Variants in NRF1 observed in about 807,000 individuals in gnomAD.
NRF1 encodes the protein nuclear respiratory factor 1, also known as alpha palindromic-binding protein.
A neutral mutation model predicts 58.5 loss-of-function variants in NRF1; 5 were observed. The observed-to-expected ratio is 0.09, with a 90% CI of 0.04 to 0.18. The LOEUF is 0.18. NRF1 is among the 10% of genes least tolerant of loss of function. The pLI, the probability that NRF1 is intolerant of heterozygous loss-of-function variation, is 1.00. For missense variants in NRF1, 288 were observed against 657.7 expected, an observed-to-expected ratio of 0.44 and a Z score of 6.15; for synonymous variants, 224 against 246.7, an observed-to-expected ratio of 0.91 and a Z score of 0.86.
chr7:129,614,591 A>T lies in NRF1; in HGVS notation c.-7+2767A>T, dbSNP rs566412004. 2.6e-5 allele frequency among the ~76,000 whole-genome samples: 4 copies of T among 152,058 alleles called. 1 individual carries two copies. In the South Asian group the frequency reaches 8.3e-4, roughly 32 times the overall value. ...CTCAGCCTCCCCAGTAGCTGAGACT[A>T]TAGGCAAGTGCCACCGTGCTGGCAG... On this transcript the variant is annotated intron_variant, in intron 1 of 10. Transcript: ENST00000393232.
intron 2 of NRF1, among the ~76,000 whole-genome samples, chr7:129,667,312 A>T (rs938906073): frequency 1.3e-5 from 2 of 152,140 alleles, no homozygotes; most frequent in Non-Finnish European, 2.9e-5. Context: ...TGTTGGTTTA[A>T]TTTGTGTTTT....
In NRF1 at chr7:129,755,020, C is replaced by G; in HGVS notation, c.1351C>G (p.Leu451Val). 6.2e-7 allele frequency: 1 copy of G among 1,606,080 alleles called. No individual in the cohort carries two copies. Among genetic ancestry groups the G allele is most frequent in the Non-Finnish European group, 8.5e-7 (1 of 1,176,840 alleles). The change falls in exon 11 of 11, where the codon CTG becomes GTG. Residue 451 changes from leucine (L) to valine (V), a missense_variant and splice_region_variant. Around this residue, in one of 3 missense-constraint regions of NRF1, gnomAD observed 212 missense variants for 559.7 expected, o/e 0.38. Transcript: ENST00000393232. This position sits in a 1 kb window ranked among gnomAD's most constrained non-coding sequence, Gnocchi z 5.8. Reference sequence around the variant, plus strand: ...CGGTCTTCTCTTTGTCTCTCCAGGCCTGGTCCAGATCCCTGTGAGCATGTA... The same window carrying G: ...CGGTCTTCTCTTTGTCTCTCCAGGCGTGGTCCAGATCCCTGTGAGCATGTA... Reference protein sequence around the residue: ...ALTGVQDANGLVQIPVSMYQT... With the variant: ...ALTGVQDANGVVQIPVSMYQT...
chr7:129,748,260 G>A (rs1804027224), intron 10 of NRF1, among the ~76,000 whole-genome samples: 1 of 88,542 alleles, frequency 1.1e-5, no homozygotes, highest in Non-Finnish European at 2.1e-5. Flanking sequence ...GAGCAACAAA[G>A]CAAGACTCCG....
chr7:129,687,804 A>G (rs1802475961), intron 4 of NRF1, among the ~76,000 whole-genome samples: 1 of 152,242 alleles, frequency 6.6e-6, no homozygotes, highest in African/African-American at 2.4e-5. Context: ...TGAAAGAAAA[A>G]TGCATCTCAG....
chr7:129,662,983 A>G (rs1801821668), intron 2 of NRF1, among the ~76,000 whole-genome samples: 1 of 152,222 alleles, frequency 6.6e-6, no homozygotes, highest in Admixed American at 6.5e-5. Context: ...GTCTTCAAGC[A>G]TCTGTTTAAC....
At position 129,730,221 on chromosome 7, in the gene NRF1, C is replaced by T. The variant is rs186751631; in HGVS notation, c.1348+2856C>T. 3.7e-3 allele frequency among the ~76,000 whole-genome samples: 567 copies of T among 152,144 alleles called. 1 individual carries two copies. Among genetic ancestry groups the T allele is most frequent in the Non-Finnish European group, 6.1e-3 (414 of 68,026 alleles). On this transcript the variant is annotated intron_variant, in intron 10 of 10. Coordinates refer to ENST00000393232, the MANE Select transcript of NRF1 (RefSeq NM_005011.5). The stretch of plus-strand genomic sequence containing the variant: ...TCTTTTTTTAATAGAAATGAGGCCT[C>T]TCCATATTGCTCTGGCTGGTCTCAA...
chr7:129,731,966 C>T (rs1429809821), intron 10 of NRF1, among the ~76,000 whole-genome samples: 1 of 152,108 alleles, frequency 6.6e-6, no homozygotes, highest in Admixed American at 6.5e-5. Flanking sequence ...ATCTTATACA[C>T]CTTAATGTAA....
intron 5 of NRF1, among the ~76,000 whole-genome samples, chr7:129,698,376 T>G (rs1241112306): frequency 6.6e-6 from 1 of 151,714 alleles, no homozygotes; most frequent in Non-Finnish European, 1.5e-5. Context: ...ACTACATAGC[T>G]CTATGATATT....
At chr7:129,671,860 G>GA (rs950801466) in intron 3 of NRF1, among the ~76,000 whole-genome samples, 13 of 151,860 alleles carry the variant, frequency 8.6e-5, no homozygotes, top group Admixed American at 6.6e-4. Flanking sequence ...GAGGGGGAAA[G>GA]AAAAAAACAA....
chr7:129,612,407 C>A (rs1202962429), intron 1 of NRF1, among the ~76,000 whole-genome samples: 2 of 152,160 alleles, frequency 1.3e-5, no homozygotes, highest in South Asian at 2.1e-4. Flanking sequence ...TCCCTCCTGC[C>A]GGGGTGGCGT....
intron 9 of NRF1, among the ~76,000 whole-genome samples, chr7:129,723,357 C>T (rs888863045): frequency 2.0e-5 from 3 of 151,406 alleles, no homozygotes; most frequent in Non-Finnish European, 4.4e-5. Context: ...GCAGGAGAAT[C>T]GCTTGAACCT....
chr7:129,636,205 T>C (rs556154696), intron 1 of NRF1, among the ~76,000 whole-genome samples: 1 of 148,488 alleles, frequency 6.7e-6, no homozygotes, highest in South Asian at 2.1e-4. Flanking sequence ...CAAGTCTCCA[T>C]CATCCTGTTT....
chr7:129,650,886 C>T (rs1584608119), intron 1 of NRF1, among the ~76,000 whole-genome samples: 1 of 152,056 alleles, frequency 6.6e-6, no homozygotes, highest in East Asian at 1.9e-4. Context: ...TTTAGCTATC[C>T]AGGGAATCTA....
At chr7:129,748,274 CAAAAAA>C (rs10655886) in intron 10 of NRF1, among the ~76,000 whole-genome samples, 2 of 78,080 alleles carry the variant, frequency 2.6e-5, no homozygotes, top group Non-Finnish European at 4.6e-5. Flanking sequence ...GACTCCGTCT[CAAAAAA>C]AAAAAAAAAA....
intron 1 of NRF1, among the ~76,000 whole-genome samples, chr7:129,616,585 C>T (rs986514060): frequency 2.0e-5 from 3 of 152,086 alleles, no homozygotes. Flanking sequence ...GGCGACAGTG[C>T]GACCGTGTTT....
intron 10 of NRF1, among the ~76,000 whole-genome samples, chr7:129,730,616 G>A (rs1456734359): frequency 6.6e-6 from 1 of 152,156 alleles, no homozygotes; most frequent in Non-Finnish European, 1.5e-5. Context: ...TAACCATTGG[G>A]AAGTGGCGCG....
At chr7:129,650,875 CTT>C (rs777343289) in intron 1 of NRF1, among the ~76,000 whole-genome samples, 4 of 152,138 alleles carry the variant, frequency 2.6e-5, no homozygotes, top group Non-Finnish European at 5.9e-5. Context: ...GTTCACATCA[CTT>C]TAGCTATCCA....
intron 5 of NRF1, among the ~76,000 whole-genome samples, chr7:129,692,763 A>G (rs1802600677): frequency 1.3e-5 from 2 of 152,026 alleles, no homozygotes; most frequent in African/African-American, 2.4e-5. Flanking sequence ...CGGCCACTGT[A>G]GCCCTCTTTT....
At chr7:129,627,797 T>TA (rs1288368321) in intron 1 of NRF1, among the ~76,000 whole-genome samples, 1 of 152,200 alleles carries the variant, frequency 6.6e-6, no homozygotes, top group African/African-American at 2.4e-5. Context: ...GAAATTGATT[T>TA]AACACATTAT....
Sources: allele counts gnomAD v4.1 joint callset (sites outside exome capture counted in the v4.1 genomes callset), GRCh38; gene constraint gnomAD v4.1.1; regional missense constraint gnomAD v4.1.1; non-coding constraint Gnocchi (gnomAD v3.1); transcripts MANE v1.5; gene names NCBI Gene and HGNC (gene_info 2026-07-23, HGNC 2026-07-21).